Variants in PDCD6 observed in about 807,000 individuals in gnomAD.
PDCD6 encodes programmed cell death protein 6.
In PDCD6, 12 loss-of-function variants were observed where a neutral mutation model predicts 28.3. That is an observed-to-expected ratio of 0.42 (90% CI 0.27 to 0.69). The LOEUF is 0.69. Among genes scored for constraint, PDCD6 ranks in the 30% least tolerant of loss-of-function variants. The pLI is 0.22. For synonymous variants in PDCD6, 92 were observed against 108.0 expected (o/e 0.85, Z 0.92); for missense variants, 226 against 269.9 (o/e 0.84, Z 1.14).
intron 4 of PDCD6, 56 bp downstream of exon 4, chr5:306,816 T>A: frequency 6.4e-7 from 1 of 1,551,814 alleles, no homozygotes; most frequent in Non-Finnish European, 8.9e-7. Context: ...CTTGGAGCCG[T>A]TGAAGTTCTT....
chr5:278,908 G>A (rs541501544), intron 2 of PDCD6, among the ~76,000 whole-genome samples: 1 of 151,756 alleles, frequency 6.6e-6, no homozygotes, highest in African/African-American at 2.4e-5. Flanking sequence ...AGGGATGCAA[G>A]CTTTCCTGAG....
At chr5:290,341 C>T (rs2126719588) in intron 2 of PDCD6, 3 of 1,163,802 alleles carry the variant, frequency 2.6e-6, no homozygotes, top group South Asian at 2.5e-5. Flanking sequence ...GAGTCCCTCA[C>T]AGCCTCCGCC....
At chr5:302,888 G>A (rs1740197375) in intron 2 of PDCD6, among the ~76,000 whole-genome samples, 1 of 151,858 alleles carries the variant, frequency 6.6e-6, no homozygotes, top group Non-Finnish European at 1.5e-5. Flanking sequence ...GCTGCTCTGT[G>A]TGTATGCCTC....
rs193111439 is a variant in PDCD6, at chr5:307,162, A to G, written c.367+402A>G. ...ACCTAAGAAACAGCTGTCAGTCACC[A>G]GGTCCAAACCGTGCGCCTCAGAAGG... On this transcript the variant is annotated intron_variant, in intron 4 of 5. Coordinates refer to ENST00000264933, the MANE Select transcript of PDCD6 (RefSeq NM_013232.4). The surrounding 1 kb of genome is among the most constrained non-coding windows in gnomAD (Gnocchi z 6.1). 2.1e-3 allele frequency among the ~76,000 whole-genome samples: 316 copies of G among 152,306 alleles called. 1 individual carries two copies. The highest frequency in any genetic ancestry group is 7.3e-3 in the African/African-American group (302 of 41,552).
intron 2 of PDCD6, among the ~76,000 whole-genome samples, chr5:296,546 A>G (rs931508255): frequency 2.0e-5 from 3 of 152,244 alleles, no homozygotes; most frequent in Non-Finnish European, 4.4e-5. Flanking sequence ...AGGGACCCCC[A>G]GAGACATGAA....
intron 5 of PDCD6, among the ~76,000 whole-genome samples, chr5:313,195 G>A (rs996259707): frequency 3.3e-5 from 5 of 152,226 alleles, no homozygotes; most frequent in Non-Finnish European, 1.5e-5. Flanking sequence ...AGAAAAGAAA[G>A]CTGCAGACCT....
At chr5:303,446 G>A (rs1356454882) in intron 2 of PDCD6, among the ~76,000 whole-genome samples, 1 of 151,984 alleles carries the variant, frequency 6.6e-6, no homozygotes, top group Non-Finnish European at 1.5e-5. Context: ...AGGTTCTTGT[G>A]TGCGAAGGTC....
At chr5:303,109 A>T (rs1402872082) in intron 2 of PDCD6, among the ~76,000 whole-genome samples, 1 of 152,018 alleles carries the variant, frequency 6.6e-6, no homozygotes, top group African/African-American at 2.4e-5. Flanking sequence ...TTAGGAGGGG[A>T]CGCACTTCAG....
chr5:306,524 G>A (rs1740497265), intron 3 of PDCD6, 78 bp from the exon 4 acceptor site: 1 of 1,516,012 alleles, frequency 6.6e-7, no homozygotes, highest in Non-Finnish European at 9.1e-7. Context: ...GGCTCTGAGG[G>A]CTGAGGTCTG....
At chr5:274,278 ATGCATT>A (rs1413864076) in intron 2 of PDCD6, among the ~76,000 whole-genome samples, 3 of 152,244 alleles carry the variant, frequency 2.0e-5, no homozygotes, top group African/African-American at 7.2e-5. Flanking sequence ...CCTGCTTTTT[ATGCATT>A]TGCTCTAATT....
At chr5:282,420 C>T (rs567231338) in intron 2 of PDCD6, among the ~76,000 whole-genome samples, 6 of 146,660 alleles carry the variant, frequency 4.1e-5, no homozygotes, top group East Asian at 4.1e-4. Context: ...GCTGCAAACC[C>T]GGAGAGAAGC....
chr5:307,477 G>A lies in PDCD6; in HGVS notation c.367+717G>A, dbSNP rs1046724849. Reference sequence around the variant, plus strand: ...GCACACACACATGTGACGGTGTGCCGTGGGTCTAGGAGTGTTCACAGTGCC... The same window carrying A: ...GCACACACACATGTGACGGTGTGCCATGGGTCTAGGAGTGTTCACAGTGCC... On this transcript the variant is annotated intron_variant, in intron 4 of 5. Coordinates refer to ENST00000264933, the MANE Select transcript of PDCD6 (RefSeq NM_013232.4). The surrounding 1 kb of genome is among the most constrained non-coding windows in gnomAD (Gnocchi z 6.1). Among the ~76,000 whole-genome samples the A allele has an allele frequency of 2.6e-5, 4 of 152,224 alleles. No homozygotes were observed. Among genetic ancestry groups the A allele is most frequent in the East Asian group, 1.9e-4 (1 of 5,196 alleles).
intron 2 of PDCD6, among the ~76,000 whole-genome samples, chr5:299,701 C>T (rs1045268461): frequency 1.8e-4 from 27 of 152,178 alleles, no homozygotes; most frequent in Admixed American, 3.9e-4. Flanking sequence ...AGGCACACGC[C>T]GCCATGCCTG....
chr5:311,190 T>G, intron 4 of PDCD6, 103 bp from the exon 5 acceptor site: 3 of 810,672 alleles, frequency 3.7e-6, no homozygotes, highest in Non-Finnish European at 6.4e-6. Context: ...CAGCCTTGCA[T>G]TGTGTGTGTT....
rs543131020 is a variant in PDCD6, at chr5:276,251, C to T, written c.163+3479C>T. On this transcript the variant is annotated intron_variant, in intron 2 of 5. Coordinates refer to ENST00000264933, the MANE Select transcript of PDCD6 (RefSeq NM_013232.4). Reference sequence around the variant, plus strand: ...CTCAAAAAAACAAAGAAAGTGGATGCGCGCTGCTCCTGCCATTGGATCATC... The same window carrying T: ...CTCAAAAAAACAAAGAAAGTGGATGTGCGCTGCTCCTGCCATTGGATCATC... 16 of 1,141,800 alleles carry T rather than the reference C, an allele frequency of 1.4e-5. No homozygotes were observed. The East Asian group carries it at 4.9e-4, about 35-fold the overall frequency. 70.7% of individuals were successfully genotyped at this position (1,141,800 alleles called of 1,614,324 possible). A position where few individuals can be genotyped will look rare whatever the true frequency, so the allele number is the denominator to read the frequency against.
intron 2 of PDCD6, among the ~76,000 whole-genome samples, chr5:300,424 G>A (rs1266614293): frequency 4.6e-5 from 7 of 152,222 alleles, no homozygotes; most frequent in African/African-American, 9.6e-5. Context: ...CCTTTCCCTT[G>A]GCTGGTTTAC....
intron 2 of PDCD6, among the ~76,000 whole-genome samples, chr5:280,295 G>A (rs1214287037): frequency 6.7e-6 from 1 of 149,446 alleles, no homozygotes; most frequent in Non-Finnish European, 1.5e-5. Flanking sequence ...AGGCCTGTCC[G>A]GCAGGAAGGG....
At chr5:283,144 A>G (rs189103043) in intron 2 of PDCD6, among the ~76,000 whole-genome samples, 1 of 151,590 alleles carries the variant, frequency 6.6e-6, no homozygotes, top group African/African-American at 2.4e-5. Context: ...CTGATGTTCT[A>G]GATTGAGGAT....
In PDCD6 at chr5:314,634, C is replaced by T. The variant is rs73734221; in HGVS notation, c.*119C>T. On this transcript the variant is annotated 3_prime_UTR_variant, in exon 6 of 6. Coordinates refer to ENST00000264933, the MANE Select transcript of PDCD6 (RefSeq NM_013232.4). ...GCTGTTCTTCCTTTAGATTTTGTCA[C>T]GTGGGGACCCAGCTGTACATATGTG... The T allele has an allele frequency of 3.5e-3, 2,607 of 749,762 alleles. 36 individuals are homozygous for T. The African/African-American group carries it at 0.038, about 11-fold the overall frequency. The allele number at this position is 749,762 out of a possible 1,614,324, so 46.4% of individuals were successfully genotyped here. A position where few individuals can be genotyped will look rare whatever the true frequency, so the allele number is the denominator to read the frequency against.
Sources: allele counts gnomAD v4.1 joint callset (sites outside exome capture counted in the v4.1 genomes callset), GRCh38; gene constraint gnomAD v4.1.1; non-coding constraint Gnocchi (gnomAD v3.1); transcripts MANE v1.5; gene names NCBI Gene and HGNC (gene_info 2026-07-23, HGNC 2026-07-21).